CNTNAP5: variants seen among roughly 807,000 people sequenced by gnomAD.
CNTNAP5 encodes the protein contactin-associated protein-like 5.
Under a neutral mutation model 150.2 loss-of-function variants are expected in CNTNAP5, and 72 were observed. That is an observed-to-expected ratio of 0.48 (90% confidence interval 0.40 to 0.58). CNTNAP5 has a LOEUF of 0.58. CNTNAP5 is among the 20% of genes least tolerant of loss of function. The pLI is 0.00. For synonymous variants in CNTNAP5, 672 were observed against 619.8 expected, an observed-to-expected ratio of 1.08 and a Z score of -1.25; for missense variants, 1,636 against 1,626.2, an observed-to-expected ratio of 1.01 and a Z score of -0.10.
At chr2:124,043,380 A>G (rs893199469) in intron 1 of CNTNAP5, among the ~76,000 whole-genome samples, 16 of 152,176 alleles carry the variant, frequency 1.1e-4, no homozygotes, top group Non-Finnish European at 1.9e-4. Flanking sequence ...TGCTTCAAGT[A>G]CCACCAAACC....
At chr2:124,099,995 C>G (rs1683027868) in intron 1 of CNTNAP5, among the ~76,000 whole-genome samples, 1 of 152,150 alleles carries the variant, frequency 6.6e-6, no homozygotes, top group Non-Finnish European at 1.5e-5. Context: ...CAAACCATAT[C>G]ACTGTATTAG....
chr2:124,819,930 A>C (rs1213060290), intron 19 of CNTNAP5, among the ~76,000 whole-genome samples: 2 of 152,116 alleles, frequency 1.3e-5, no homozygotes, highest in Non-Finnish European at 2.9e-5. Flanking sequence ...GCTCTGCCTT[A>C]CTTCCTGTTG....
chr2:124,337,756 A>T (rs991948514), intron 3 of CNTNAP5, among the ~76,000 whole-genome samples: 1 of 152,056 alleles, frequency 6.6e-6, no homozygotes, highest in Non-Finnish European at 1.5e-5. Context: ...TACCAGTACC[A>T]TGCTGTTTTG....
chr2:124,802,805 A>T (rs915144508), intron 19 of CNTNAP5, among the ~76,000 whole-genome samples: 8 of 152,212 alleles, frequency 5.3e-5, no homozygotes, highest in Admixed American at 3.3e-4. Context: ...ACAAAGACAG[A>T]TAGAAAGGAT....
intron 10 of CNTNAP5, among the ~76,000 whole-genome samples, chr2:124,562,472 G>A (rs1437955734): frequency 1.3e-5 from 2 of 152,052 alleles, no homozygotes; most frequent in Non-Finnish European, 2.9e-5. Context: ...ATTATGAATG[G>A]CATCATTGTG....
chr2:124,626,630 G>T (rs1473058778), intron 12 of CNTNAP5, among the ~76,000 whole-genome samples: 1 of 152,136 alleles, frequency 6.6e-6, no homozygotes, highest in Non-Finnish European at 1.5e-5. Context: ...ACAAAACTGG[G>T]TGGCTGTTCG....
intron 10 of CNTNAP5, among the ~76,000 whole-genome samples, chr2:124,531,326 C>T (rs762275789): frequency 6.6e-6 from 1 of 152,150 alleles, no homozygotes; most frequent in Non-Finnish European, 1.5e-5. Context: ...TGCTTGCTCA[C>T]CTGACACTCA....
At chr2:124,798,052 A>T in intron 18 of CNTNAP5, 44 bp from the exon 19 acceptor site, 1 of 1,450,250 alleles carries the variant, frequency 6.9e-7, no homozygotes, top group Non-Finnish European at 9.5e-7. Context: ...TGAACAATGG[A>T]TCTAAAGGTT....
In CNTNAP5 at chr2:124,526,121, TCA is replaced by T. The variant is rs1458346299; in HGVS notation, c.1478-1163_1478-1162del. On this transcript the variant is annotated intron_variant, in intron 9 of 23. Coordinates refer to ENST00000682447, the MANE Select transcript of CNTNAP5 (RefSeq NM_001367498.1). Reference sequence around the variant, plus strand: ...TGATACAATAAGCATCCAACATGCCTCAGAGACAAAATGGCTCTCCTCCCTCA... The same window carrying T: ...TGATACAATAAGCATCCAACATGCCTGAGACAAAATGGCTCTCCTCCCTCA... 2.0e-5 allele frequency among the ~76,000 whole-genome samples: 3 copies of T among 152,230 alleles called. No homozygotes were observed. The East Asian group carries it at 5.8e-4, about 29-fold the overall frequency.
chr2:124,750,982 C>CAAA (rs745635606), intron 14 of CNTNAP5, among the ~76,000 whole-genome samples: 43 of 75,314 alleles, frequency 5.7e-4, no homozygotes, highest in African/African-American at 7.1e-4. Flanking sequence ...GACTCCATCT[C>CAAA]AAAAAAAAAA....
chr2:124,433,808 G>A (rs920509807), intron 4 of CNTNAP5, among the ~76,000 whole-genome samples: 1 of 152,158 alleles, frequency 6.6e-6, no homozygotes, highest in Non-Finnish European at 1.5e-5. Flanking sequence ...TGTTACATAA[G>A]TTTATCTAAA....
At chr2:124,354,691 T>C (rs1378913601) in intron 3 of CNTNAP5, among the ~76,000 whole-genome samples, 1 of 152,192 alleles carries the variant, frequency 6.6e-6, no homozygotes, top group African/African-American at 2.4e-5. Context: ...ACGTATTTCC[T>C]GGGGCAAGGT....
chr2:124,379,945 C>A (rs920250597), intron 3 of CNTNAP5, among the ~76,000 whole-genome samples: 4 of 152,112 alleles, frequency 2.6e-5, no homozygotes, highest in Non-Finnish European at 4.4e-5. Context: ...CCTTGCCTTA[C>A]AACTACACAG....
At chr2:124,257,256 T>C (rs751546702) in intron 3 of CNTNAP5, among the ~76,000 whole-genome samples, 2 of 152,214 alleles carry the variant, frequency 1.3e-5, no homozygotes, top group Non-Finnish European at 1.5e-5. Flanking sequence ...AACAGTACTC[T>C]TTAAATATTC....
At chr2:124,267,992 G>A in intron 3 of CNTNAP5, among the ~76,000 whole-genome samples, 1 of 152,166 alleles carries the variant, frequency 6.6e-6, no homozygotes, top group Non-Finnish European at 1.5e-5. Flanking sequence ...AACACTTATG[G>A]TAATGTCAGG....
chr2:124,786,525 G>GAA (rs1222820289), intron 17 of CNTNAP5, among the ~76,000 whole-genome samples: 1 of 123,642 alleles, frequency 8.1e-6, no homozygotes, highest in African/African-American at 3.4e-5. Context: ...GAAAGAAAGA[G>GAA]AAAGAAAGGA....
In CNTNAP5 at chr2:124,403,870, T is replaced by G. The variant is rs866600428; in HGVS notation, c.382-13573T>G. On this transcript the variant is annotated intron_variant, in intron 3 of 23. Transcript: ENST00000682447. Reference sequence around the variant, plus strand: ...AGAAGGACCAAACGCACGTCTTACATGGCAGCAGGTAAGAAAGCATGTGCA... The same window carrying G: ...AGAAGGACCAAACGCACGTCTTACAGGGCAGCAGGTAAGAAAGCATGTGCA... 6.6e-5 allele frequency among the ~76,000 whole-genome samples: 10 copies of G among 152,312 alleles called. No individual in the cohort carries two copies. The Middle Eastern group carries it at 0.014, about 207-fold the overall frequency.
chr2:124,664,540 A>C (rs1354439148), intron 13 of CNTNAP5, among the ~76,000 whole-genome samples: 1 of 152,146 alleles, frequency 6.6e-6, no homozygotes, highest in Non-Finnish European at 1.5e-5. Flanking sequence ...CACTTCTCTC[A>C]AGTGTTACTG....
intron 7 of CNTNAP5, among the ~76,000 whole-genome samples, chr2:124,487,087 C>T (rs974428211): frequency 1.3e-5 from 2 of 152,112 alleles, no homozygotes; most frequent in African/African-American, 4.8e-5. Context: ...AACAGTACAT[C>T]CACCCATGGG....
Sources: gnomAD v4.1 joint callset for allele counts (sites outside exome capture counted in the v4.1 genomes callset) on GRCh38, gnomAD v4.1.1 for gene constraint, MANE v1.5 for transcripts, NCBI Gene and HGNC (gene_info 2026-07-23, HGNC 2026-07-21) for gene names.